The following FHL2 variants were observed in gnomAD, a reference collection of about 807,000 sequenced individuals.
FHL2 encodes the protein four and a half LIM domains protein 2.
Under a neutral mutation model 32.7 loss-of-function variants are expected in FHL2, and 20 were observed. The ratio of observed to expected loss-of-function variants is 0.61; its 90% CI spans 0.43 to 0.89. The LOEUF is 0.89. Ranked by LOEUF, FHL2 falls within the 40% of genes least tolerant of loss-of-function variation. FHL2 has a pLI of 0.00. For synonymous variants in FHL2, 123 were observed against 128.1 expected, an observed-to-expected ratio of 0.96 and a Z score of 0.27; for missense variants, 311 against 358.6, an observed-to-expected ratio of 0.87 and a Z score of 1.07.
At chr2:105,419,008 C>T (rs916729715) in intron 1 of FHL2, among the ~76,000 whole-genome samples, 8 of 152,200 alleles carry the variant, frequency 5.3e-5, no homozygotes, top group Admixed American at 5.2e-4. Context: ...CTTATCCCCA[C>T]CAGATAAGGG....
intron 4 of FHL2, 61 bp downstream of exon 4, chr2:105,373,498 G>A: frequency 6.3e-7 from 1 of 1,582,512 alleles, no homozygotes; most frequent in Non-Finnish European, 8.7e-7. Context: ...GGGGGTCAGA[G>A]GAACGTGCAC....
intron 3 of FHL2, among the ~76,000 whole-genome samples, chr2:105,385,411 T>A (rs944458134): frequency 1.3e-5 from 2 of 152,166 alleles, no homozygotes; most frequent in Non-Finnish European, 2.9e-5. Context: ...TCAGCGGCAA[T>A]GTGCTGATAT....
At position 105,399,031 on chromosome 2, in the gene FHL2, C is replaced by T; in HGVS notation, c.-265G>A. 1.3e-6 allele frequency: 2 copies of T among 1,494,032 alleles called. No homozygotes were observed. Among genetic ancestry groups the T allele is most frequent in the Admixed American group, 2.4e-5 (1 of 42,134 alleles). The allele number at this position is 1,494,032 out of a possible 1,614,324, so 92.5% of individuals were successfully genotyped here. A position where few individuals can be genotyped will look rare whatever the true frequency, so the allele number is the denominator to read the frequency against. On this transcript the variant is annotated 5_prime_UTR_variant, in exon 1 of 7. Coordinates refer to ENST00000530340, the MANE Select transcript of FHL2 (RefSeq NM_001318895.3). Reference sequence around the variant, plus strand: ...GGAGGGCGCGGGCGGCTGGTGGCTGCGGCTCCGCTGCCGGCCGAGTGGAGC... The same window carrying T: ...GGAGGGCGCGGGCGGCTGGTGGCTGTGGCTCCGCTGCCGGCCGAGTGGAGC...
chr2:105,400,955 A>G (rs1210202305), upstream of FHL2, among the ~76,000 whole-genome samples: 2 of 151,942 alleles, frequency 1.3e-5, no homozygotes, highest in Admixed American at 6.6e-5. Flanking sequence ...AAACAAACAT[A>G]CCCAGTTTCT....
intron 3 of FHL2, among the ~76,000 whole-genome samples, chr2:105,376,974 A>G (rs964502251): frequency 6.6e-6 from 1 of 152,358 alleles, no homozygotes; most frequent in Non-Finnish European, 1.5e-5. Context: ...AGTCACATTC[A>G]TGGAGACAGA....
intron 1 of FHL2, among the ~76,000 whole-genome samples, chr2:105,430,795 C>T (rs559786448): frequency 3.2e-4 from 49 of 152,212 alleles, no homozygotes; most frequent in Non-Finnish European, 5.6e-4. Flanking sequence ...AGAGGTCCTG[C>T]CCTGTGTCTG....
intron 1 of FHL2, among the ~76,000 whole-genome samples, chr2:105,408,793 G>A (rs1201408563): frequency 6.6e-6 from 1 of 152,180 alleles, no homozygotes; most frequent in Non-Finnish European, 1.5e-5. Flanking sequence ...CTGATAGGGT[G>A]ACATTTTTGG....
At chr2:105,407,693 T>C (rs1683678787) in intron 1 of FHL2, among the ~76,000 whole-genome samples, 1 of 152,198 alleles carries the variant, frequency 6.6e-6, no homozygotes, top group Non-Finnish European at 1.5e-5. Context: ...AAAATGAGGC[T>C]GCAGGGAAGT....
intron 1 of FHL2, among the ~76,000 whole-genome samples, chr2:105,427,778 T>A (rs1330351011): frequency 6.6e-6 from 1 of 152,184 alleles, no homozygotes; most frequent in Non-Finnish European, 1.5e-5. Flanking sequence ...CCTGGGTGCC[T>A]GGGTGTGAGG....
rs189439834 is a variant in FHL2, at chr2:105,390,679, G to A, written c.-24-4139C>T. On this transcript the variant is annotated intron_variant, in intron 2 of 6. Coordinates refer to ENST00000530340, the MANE Select transcript of FHL2 (RefSeq NM_001318895.3). ...TTCCACACAGTTACATACTGCACAA[G>A]CCCTGAGCATCAGAATAAAAAGTCC... Among the ~76,000 whole-genome samples, 11 of 152,290 alleles carry A rather than the reference G, an allele frequency of 7.2e-5. No individual in the cohort carries two copies. In the East Asian group the frequency reaches 1.9e-3, roughly 27 times the overall value.
At chr2:105,438,345 C>G in intron 1 of FHL2, 16 of 984,990 alleles carry the variant, frequency 1.6e-5, no homozygotes, top group Non-Finnish European at 1.9e-5. Context: ...CAGAGACAGG[C>G]TGGGAAGGAT....
chr2:105,384,985 A>C (rs1014564433), intron 3 of FHL2, among the ~76,000 whole-genome samples: 1 of 152,254 alleles, frequency 6.6e-6, no homozygotes, highest in Non-Finnish European at 1.5e-5. Context: ...CGTCAGGTGC[A>C]GTGAGACACG....
At chr2:105,399,238 C>G, upstream of FHL2, 1 of 1,534,838 alleles carries the variant, frequency 6.5e-7, no homozygotes, top group Non-Finnish European at 8.7e-7. Flanking sequence ...TTTGCCAGGG[C>G]TCCTTTCTTC....
chr2:105,401,386 A>G (rs1448188655), upstream of FHL2, among the ~76,000 whole-genome samples: 2 of 152,202 alleles, frequency 1.3e-5, no homozygotes, highest in Admixed American at 6.5e-5. Context: ...TGGATTGTGG[A>G]TAATCGCTGA....
chr2:105,367,863 G>A (rs1680748174), intron 4 of FHL2, 124 bp from the exon 5 acceptor site: 1 of 932,020 alleles, frequency 1.1e-6, no homozygotes, highest in Non-Finnish European at 1.6e-6. Context: ...TTCAGCTCTT[G>A]AAGGCTCGCC....
intron 1 of FHL2, among the ~76,000 whole-genome samples, chr2:105,409,830 G>A (rs554440169): frequency 1.0e-3 from 152 of 152,340 alleles, no homozygotes; most frequent in African/African-American, 3.6e-3. Context: ...TTTCCATGAA[G>A]TAGGTAACAA....
intron 1 of FHL2, 93 bp from the exon 2 acceptor site, chr2:105,396,790 G>A (rs1172470303): frequency 9.8e-6 from 11 of 1,117,400 alleles, no homozygotes; most frequent in Non-Finnish European, 1.5e-5. Context: ...AATAAATGTG[G>A]CTTTGATCAA....
intron 3 of FHL2, among the ~76,000 whole-genome samples, chr2:105,385,666 T>C (rs1183889751): frequency 1.3e-5 from 2 of 152,166 alleles, no homozygotes; most frequent in African/African-American, 4.8e-5. Flanking sequence ...TTCAGAGCTA[T>C]GGATGGGTCC....
At chr2:105,425,690 A>G (rs1235000649) in intron 1 of FHL2, among the ~76,000 whole-genome samples, 1 of 151,832 alleles carries the variant, frequency 6.6e-6, no homozygotes, top group Non-Finnish European at 1.5e-5. Context: ...TCTTTACTCC[A>G]CTGAGATGTT....
Sources: gnomAD v4.1 joint callset for allele counts (sites outside exome capture counted in the v4.1 genomes callset) on GRCh38, gnomAD v4.1.1 for gene constraint, MANE v1.5 for transcripts, NCBI Gene and HGNC (gene_info 2026-07-23, HGNC 2026-07-21) for gene names.